Variants in DNAJC5B observed in about 807,000 individuals in gnomAD.
The protein encoded by DNAJC5B is dnaJ homolog subfamily C member 5B.
DNAJC5B carries 23 observed loss-of-function variants against 24.7 expected under a neutral mutation model. That is an observed-to-expected ratio of 0.93 (90% CI 0.67 to 1.32). The LOEUF is 1.32. Among genes scored for constraint, DNAJC5B ranks in the 40% most tolerant of loss-of-function variants. DNAJC5B has a pLI of 0.00. For synonymous variants in DNAJC5B, 101 were observed against 90.1 expected (o/e 1.12, Z -0.68); for missense variants, 238 against 240.8 (o/e 0.99, Z 0.08).
chr8:66,042,591 T>TTCTTCC (rs1157633811), intron 1 of DNAJC5B, among the ~76,000 whole-genome samples: 2 of 122,876 alleles, frequency 1.6e-5, no homozygotes, highest in African/African-American at 4.5e-5. Flanking sequence ...TTTCTTCTTC[T>TTCTTCC]TCTTCCTCTT....
intron 5 of DNAJC5B, among the ~76,000 whole-genome samples, chr8:66,094,006 A>G: frequency 6.6e-6 from 1 of 152,060 alleles, no homozygotes; most frequent in East Asian, 1.9e-4. Context: ...GTTTCAATAG[A>G]TATATGGAGC....
intron 3 of DNAJC5B, among the ~76,000 whole-genome samples, chr8:66,072,960 A>T (rs745899164): frequency 1.3e-5 from 2 of 152,190 alleles, no homozygotes; most frequent in African/African-American, 4.8e-5. Flanking sequence ...CCATTCACTC[A>T]TAGTGAATTC....
At chr8:66,068,930 A>C (rs1394985136) in intron 3 of DNAJC5B, among the ~76,000 whole-genome samples, 1 of 152,174 alleles carries the variant, frequency 6.6e-6, no homozygotes, top group Non-Finnish European at 1.5e-5. Flanking sequence ...AGAGGACAAA[A>C]GTCTTCAATA....
chr8:66,097,388 G>T (rs1324431244), intron 5 of DNAJC5B, among the ~76,000 whole-genome samples: 1 of 151,698 alleles, frequency 6.6e-6, no homozygotes, highest in Admixed American at 6.6e-5. Context: ...AACAATACAA[G>T]AATTTTGTAA....
upstream of DNAJC5B, among the ~76,000 whole-genome samples, chr8:66,019,298 G>C (rs1159464085): frequency 6.6e-6 from 1 of 152,134 alleles, no homozygotes; most frequent in Admixed American, 6.5e-5. Flanking sequence ...TAGTATGCAA[G>C]GTATGCATAA....
intron 1 of DNAJC5B, among the ~76,000 whole-genome samples, chr8:66,026,344 C>T (rs752911453): frequency 2.8e-4 from 42 of 152,052 alleles, no homozygotes; most frequent in Non-Finnish European, 4.7e-4. Flanking sequence ...GGGGTTTTTG[C>T]GGTTTTGAAG....
At chr8:66,042,581 TTTC>T (rs930185861) in intron 1 of DNAJC5B, among the ~76,000 whole-genome samples, 4 of 142,002 alleles carry the variant, frequency 2.8e-5, no homozygotes, top group Admixed American at 1.4e-4. Flanking sequence ...TTTGTTTGTG[TTTC>T]TTCTTCTTCT....
Position 66,051,681 on chromosome 8 carries a change from G to T in DNAJC5B, c.119+15G>T. 6 of 1,577,634 alleles carry T rather than the reference G, an allele frequency of 3.8e-6. No homozygotes were observed. The highest frequency in any genetic ancestry group is 1.1e-5 in the South Asian group (1 of 88,406). On this transcript the variant is annotated intron_variant, in intron 3 of 5. Transcript: ENST00000276570. ...AAAACCTACAGGTACGGATTTCAAT[G>T]GTGACATTTCTTCTGCTACTAGTGA...
chr8:66,042,617 CTT>C lies in DNAJC5B; in HGVS notation c.-141-870_-141-869del, dbSNP rs1806636070. Among the ~76,000 whole-genome samples, 7 of 150,232 alleles carry C rather than the reference CTT, an allele frequency of 4.7e-5. No homozygotes were observed. In the East Asian group the frequency reaches 7.8e-4, roughly 17 times the overall value. ...TCTTCCTCTTCTTCTTCTTCTTCTT[CTT>C]CTTCTCCTTCTCCTTCTCCTTCTCC... On this transcript the variant is annotated intron_variant, in intron 1 of 5. Transcript: ENST00000276570.
At chr8:66,067,996 C>T (rs1807258780) in intron 3 of DNAJC5B, among the ~76,000 whole-genome samples, 2 of 152,162 alleles carry the variant, frequency 1.3e-5, no homozygotes, top group Admixed American at 6.5e-5. Context: ...AACTGAACTT[C>T]GAGTCATCTG....
intron 5 of DNAJC5B, among the ~76,000 whole-genome samples, chr8:66,082,918 T>TC (rs1436710651): frequency 6.6e-6 from 1 of 151,968 alleles, no homozygotes; most frequent in Non-Finnish European, 1.5e-5. Context: ...GCAACACGCT[T>TC]CCCCTGAGGC....
intron 1 of DNAJC5B, among the ~76,000 whole-genome samples, chr8:66,029,180 C>T (rs1806309158): frequency 6.6e-6 from 1 of 152,208 alleles, no homozygotes; most frequent in East Asian, 1.9e-4. Flanking sequence ...GTGACATTCT[C>T]CTGACATTTA....
intron 5 of DNAJC5B, among the ~76,000 whole-genome samples, chr8:66,082,524 T>C (rs1807618968): frequency 6.6e-6 from 1 of 152,166 alleles, no homozygotes; most frequent in Non-Finnish European, 1.5e-5. Context: ...TGATTGGTGA[T>C]GAATCTACAT....
At chr8:66,033,567 G>A (rs1156611325) in intron 1 of DNAJC5B, among the ~76,000 whole-genome samples, 1 of 152,090 alleles carries the variant, frequency 6.6e-6, no homozygotes, top group East Asian at 1.9e-4. Flanking sequence ...GGCTTCCATG[G>A]GATGATGTTT....
chr8:66,074,149 G>T (rs1483357518), intron 3 of DNAJC5B, among the ~76,000 whole-genome samples: 2 of 152,000 alleles, frequency 1.3e-5, no homozygotes, highest in Non-Finnish European at 2.9e-5. Flanking sequence ...ATATCCAAAC[G>T]GTATATATAA....
At chr8:66,060,596 T>A (rs893964472) in intron 3 of DNAJC5B, among the ~76,000 whole-genome samples, 1 of 152,256 alleles carries the variant, frequency 6.6e-6, no homozygotes, top group Non-Finnish European at 1.5e-5. Context: ...TTTTACTGTT[T>A]GTTGCTCAGC....
At chr8:66,061,963 G>A (rs558951921) in intron 3 of DNAJC5B, among the ~76,000 whole-genome samples, 21 of 151,854 alleles carry the variant, frequency 1.4e-4, no homozygotes, top group East Asian at 3.9e-4. Flanking sequence ...CTGTGGGGGC[G>A]CAGCCGAGCC....
At chr8:66,080,828 G>A (rs1485512635) in intron 5 of DNAJC5B, among the ~76,000 whole-genome samples, 4 of 152,190 alleles carry the variant, frequency 2.6e-5, no homozygotes, top group South Asian at 2.1e-4. Flanking sequence ...CATTACAAGA[G>A]AGTGAGCACT....
In DNAJC5B at chr8:66,083,003, C is replaced by CTTTTTTTTT. The variant is rs765749597; in HGVS notation, c.505+2471_505+2479dup. 1.7e-3 allele frequency among the ~76,000 whole-genome samples: 148 copies of CTTTTTTTTT among 86,716 alleles called. 1 individual carries two copies. Among genetic ancestry groups the CTTTTTTTTT allele is most frequent in the African/African-American group, 2.1e-3 (42 of 20,278 alleles). The allele number at this position is 86,716 out of a possible 152,430, so 56.9% of individuals were successfully genotyped here. On this transcript the variant is annotated intron_variant, in intron 5 of 5. Coordinates refer to ENST00000276570, the MANE Select transcript of DNAJC5B (RefSeq NM_033105.6). Reference sequence around the variant, plus strand: ...ATTTTGTAATATTTTCTTTTCTTTTCTTTTTTTTTTTTTTTTTTTTTTTTG... The same window carrying CTTTTTTTTT: ...ATTTTGTAATATTTTCTTTTCTTTTCTTTTTTTTTTTTTTTTTTTTTTTTTTTTTTTTTG...
Sources: gnomAD v4.1 joint callset for allele counts (sites outside exome capture counted in the v4.1 genomes callset) on GRCh38, gnomAD v4.1.1 for gene constraint, MANE v1.5 for transcripts, NCBI Gene and HGNC (gene_info 2026-07-23, HGNC 2026-07-21) for gene names.